NUTM1: variants seen among roughly 807,000 people sequenced by gnomAD.
The protein encoded by NUTM1 is NUT midline carcinoma family member 1, also known as NUT family member 1.
Under a neutral mutation model 88.7 loss-of-function variants are expected in NUTM1, and 39 were observed. The observed-to-expected ratio is 0.44, with a 90% CI of 0.34 to 0.57. NUTM1 has a LOEUF of 0.57. NUTM1 is among the 20% of genes least tolerant of loss of function. NUTM1 has a pLI of 0.01. For missense variants in NUTM1, 1,350 were observed against 1,414.5 expected (o/e 0.95, Z 0.73); for synonymous variants, 494 against 538.0 (o/e 0.92, Z 1.13).
intron 6 of NUTM1, 40 bp downstream of exon 6, chr15:34,354,772 G>T: frequency 1.2e-6 from 2 of 1,603,344 alleles, no homozygotes; most frequent in South Asian, 2.2e-5. Flanking sequence ...GCAGATCCTT[G>T]GGGTGGGTAC....
Position 34,348,566 on chromosome 15 carries a change from A to G in NUTM1, c.698A>G (p.Lys233Arg), listed in dbSNP as rs376388237. Residue 233 changes from lysine to arginine, a missense_variant, in exon 3 of 8, where the codon AAA becomes AGA. Physicochemically the swap from Lys to Arg is conservative, Grantham distance 26. Transcript: ENST00000537011. ...AAGCCTTCCCTAGGTGACCGCTCCA[A>G]AATTTCCAAGGACGTTTATGAGAAC... The part of the protein sequence containing the change: ...LSKPSLGDRS[K>R]ISKDVYENFR... 1.2e-6 allele frequency: 2 copies of G among 1,613,760 alleles called. No homozygotes were observed. The highest frequency in any genetic ancestry group is 1.7e-6 in the Non-Finnish European group (2 of 1,180,044).
Position 34,356,215 on chromosome 15 carries a change from G to C in NUTM1, c.2207G>C (p.Arg736Thr), listed in dbSNP as rs773543552. ...AGTTATGATCAGAATCCTTCCCCTA[G>C]AGCAGCTGGGGAGAGGGACGATGTC... ...AQSYDQNPSP[R>T]AAGERDDVCL... The change falls in exon 8 of 8, where the codon AGA becomes ACA. Residue 736 changes from arginine (R) to threonine (T), a missense_variant. Transcript: ENST00000537011. The C allele has an allele frequency of 2.9e-5, 46 of 1,607,202 alleles. No individual in the cohort carries two copies. Among genetic ancestry groups the C allele is most frequent in the Non-Finnish European group, 3.7e-5 (44 of 1,175,258 alleles).
intron 1 of NUTM1, among the ~76,000 whole-genome samples, chr15:34,344,502 CAAAAAAAAA>C (rs780145688): frequency 3.5e-5 from 3 of 85,748 alleles, no homozygotes; most frequent in South Asian, 3.7e-4. Flanking sequence ...GATCCTGTCT[CAAAAAAAAA>C]AAAAAAAAAA....
Position 34,356,301 on chromosome 15 carries a change from G to A in NUTM1, c.2293G>A (p.Val765Ile). The A allele has an allele frequency of 1.2e-6, 2 of 1,613,720 alleles. No individual in the cohort carries two copies. The highest frequency in any genetic ancestry group is 3.3e-4 in the Middle Eastern group (2 of 6,060). ...GGATGCTGTAGGCTTGGAGCTGCCT[G>A]TACAAATAGAGGAGGTCATAGAGAG... is the stretch of plus-strand genomic sequence containing the variant. Reference protein sequence around the residue: ...EMDAVGLELPVQIEEVIESFQ... With the variant: ...EMDAVGLELPIQIEEVIESFQ... The change falls in exon 8 of 8, where the codon GTA becomes ATA. Residue 765 changes from valine (V) to isoleucine (I), a missense_variant. Physicochemically the swap from Val to Ile is conservative, Grantham distance 29 (BLOSUM62 3). This residue lies in a region of NUTM1 where 730 missense variants were observed against 728.8 expected (regional missense o/e 1.00). Transcript: ENST00000537011.
At chr15:34,354,265 A>G (rs566657327) in intron 5 of NUTM1, among the ~76,000 whole-genome samples, 181 bp from the exon 6 acceptor site, 133 of 152,292 alleles carry the variant, frequency 8.7e-4, no homozygotes, top group African/African-American at 3.1e-3. Flanking sequence ...GGCCCAATCC[A>G]GCCTGGAACC....
chr15:34,347,262 C>CTT lies in NUTM1; in HGVS notation c.101-695_101-694dup, dbSNP rs55955824. Among the ~76,000 whole-genome samples, 135 of 144,892 alleles carry CTT rather than the reference C, an allele frequency of 9.3e-4. No homozygotes were observed. In the East Asian group the frequency reaches 0.01, roughly 11 times the overall value. ...GCGAGACGTCATCTCTACAATTTTT[C>CTT]TTTTTTTTTTTTTGAGACAGAGTTT... On this transcript the variant is annotated intron_variant, in intron 2 of 7. Coordinates refer to ENST00000537011, the MANE Select transcript of NUTM1 (RefSeq NM_001284292.2).
chr15:34,348,757 T>G (rs1566888543), intron 3 of NUTM1, 80 bp downstream of exon 3: 2 of 994,330 alleles, frequency 2.0e-6, no homozygotes, highest in African/African-American at 3.2e-5. Flanking sequence ...TAGTTTAGGC[T>G]GTTTAGGACT....
Position 34,357,259 on chromosome 15 carries a change from C to T in NUTM1, c.3251C>T (p.Pro1084Leu). ...QGSQRASHLL[P>L]AGAKGPSKLP... ...AGCCAGAGAGCATCCCACCTGCTCC[C>T]TGCTGGAGCAAAAGGCCCCAGCAAA... The change falls in exon 8 of 8, where the codon CCT (proline) becomes CTT (leucine). Residue 1084 changes from proline to leucine, a missense_variant. This residue lies in a region of NUTM1 where 730 missense variants were observed against 728.8 expected (regional missense o/e 1.00). Transcript: ENST00000537011. 1 of 1,614,132 alleles carries T rather than the reference C, an allele frequency of 6.2e-7. No individual in the cohort carries two copies. The highest frequency in any genetic ancestry group is 8.5e-7 in the Non-Finnish European group (1 of 1,180,022).
At chr15:34,346,719 C>T (rs1014743608) in intron 2 of NUTM1, among the ~76,000 whole-genome samples, 37 of 142,686 alleles carry the variant, frequency 2.6e-4, no homozygotes, top group Non-Finnish European at 4.6e-5. Flanking sequence ...CCCGTATGTC[C>T]TAAAAATACA....
Position 34,343,623 on chromosome 15 carries a change from C to T in NUTM1, c.-74C>T, listed in dbSNP as rs1300439689. 2.6e-6 allele frequency: 4 copies of T among 1,535,394 alleles called. No individual in the cohort carries two copies. The South Asian group carries it at 4.8e-5, about 18-fold the overall frequency. On this transcript the variant is annotated 5_prime_UTR_variant, in exon 1 of 8. Coordinates refer to ENST00000537011, the MANE Select transcript of NUTM1 (RefSeq NM_001284292.2). ...AAGAGCGTAAAGTTATTTTATGAAA[C>T]TGGTGAAGCATGTTTCAGCGGTCGA...
chr15:34,357,141 C>G lies in NUTM1; in HGVS notation c.3133C>G (p.Leu1045Val). 1.9e-6 allele frequency: 3 copies of G among 1,614,194 alleles called. No homozygotes were observed. The highest frequency in any genetic ancestry group is 2.5e-6 in the Non-Finnish European group (3 of 1,180,042). ...GGAAGCAGAGGAAGAGGATGAGGAACTCTCCAACTTTGCTTACCTCTTGGC... is the reference window on the plus strand; with the variant it reads ...GGAAGCAGAGGAAGAGGATGAGGAAGTCTCCAACTTTGCTTACCTCTTGGC... ...KKEAEEEDEE[L>V]SNFAYLLASK... Residue 1045 changes from leucine to valine, a missense_variant, in exon 8 of 8, where the codon CTC becomes GTC. Around this residue, in one of 5 missense-constraint regions of NUTM1, gnomAD observed 730 missense variants for 728.8 expected, o/e 1.00. Coordinates refer to ENST00000537011, the MANE Select transcript of NUTM1 (RefSeq NM_001284292.2).
chr15:34,351,381 C>CA (rs541718460), intron 4 of NUTM1, among the ~76,000 whole-genome samples: 7,831 of 80,896 alleles, frequency 0.097, 315 homozygotes, highest in East Asian at 0.29. Context: ...GACCTCATCA[C>CA]AAAAAAAAAA....
intron 4 of NUTM1, among the ~76,000 whole-genome samples, chr15:34,351,272 T>C (rs1890704249): frequency 8.1e-6 from 1 of 123,096 alleles, no homozygotes; most frequent in Non-Finnish European, 1.6e-5. Context: ...AAAGGGATGT[T>C]AGGCTGGGTG....
At chr15:34,352,108 T>A (rs1329499874) in intron 4 of NUTM1, among the ~76,000 whole-genome samples, 1 of 152,128 alleles carries the variant, frequency 6.6e-6, no homozygotes, top group Non-Finnish European at 1.5e-5. Context: ...AGGCAGAGGT[T>A]GCGGTGAGCC....
At position 34,346,030 on chromosome 15, in the gene NUTM1, A is replaced by T. The variant is rs1330951059; in HGVS notation, c.95A>T (p.Asp32Val). 6.2e-7 allele frequency: 1 copy of T among 1,613,976 alleles called. No individual in the cohort carries two copies. The highest frequency in any genetic ancestry group is 8.5e-7 in the Non-Finnish European group (1 of 1,180,006). ...LVPKPERMAS[D>V]GASALPGPDM... ...CCCAAACCTGAGAGGATGGCTTCAG[A>T]TGGAGGTAAGTCTGCAGGTGGTGAG... The change falls in exon 2 of 8, where the codon GAT (aspartate) becomes GTT (valine). Residue 32 changes from aspartate (D) to valine (V), a missense_variant. Physicochemically the swap from Asp to Val is radical, Grantham distance 152 (BLOSUM62 -3). This residue lies in a region of NUTM1 where 399 missense variants were observed against 397.9 expected (regional missense o/e 1.00). Coordinates refer to ENST00000537011, the MANE Select transcript of NUTM1 (RefSeq NM_001284292.2).
At chr15:34,349,497 G>A (rs148062682) in intron 3 of NUTM1, among the ~76,000 whole-genome samples, 3 of 152,164 alleles carry the variant, frequency 2.0e-5, no homozygotes, top group Admixed American at 6.5e-5. Flanking sequence ...GCTTAAGAGC[G>A]AGTGTGTGTT....
chr15:34,354,543 C>A lies in NUTM1; in HGVS notation c.1173C>A (p.Ile391=). Residue 391 remains isoleucine, a synonymous_variant, in exon 6 of 8, where the codon ATC becomes ATA. Transcript: ENST00000537011. ...CTGCTCCTGAGGCACCCAAGGAGATCCCACCAGAAGCTGTGAAGGAGTATG... is the reference window on the plus strand; with the variant it reads ...CTGCTCCTGAGGCACCCAAGGAGATACCACCAGAAGCTGTGAAGGAGTATG... ...RPPAPEAPKE[I]PPEAVKEYVD... is the part of the protein sequence containing the mutation. 6 of 1,614,146 alleles carry A rather than the reference C, an allele frequency of 3.7e-6. No homozygotes were observed. The highest frequency in any genetic ancestry group is 5.1e-6 in the Non-Finnish European group (6 of 1,180,008).
In NUTM1 at chr15:34,356,864, T is replaced by C. The variant is rs773530727; in HGVS notation, c.2856T>C (p.Asn952=). 2 of 1,612,622 alleles carry C rather than the reference T, an allele frequency of 1.2e-6. No homozygotes were observed. Among genetic ancestry groups the C allele is most frequent in the Non-Finnish European group, 1.7e-6 (2 of 1,179,784 alleles). ...TCAGCGAGGACACCTGCCCACTGAA[T>C]GTTCATTCTTATGACCCCCAAGGAG... ...LRVSEDTCPL[N]VHSYDPQGEG... The change falls in exon 8 of 8, where the codon AAT becomes AAC. Residue 952 remains asparagine, a synonymous_variant. Transcript: ENST00000537011.
chr15:34,349,459 A>C (rs1890667960), intron 3 of NUTM1, among the ~76,000 whole-genome samples: 1 of 152,230 alleles, frequency 6.6e-6, no homozygotes, highest in African/African-American at 2.4e-5. Context: ...GAAGAGGAAA[A>C]GAACTCGCAA....
Sources: gnomAD v4.1 joint callset for allele counts (sites outside exome capture counted in the v4.1 genomes callset) on GRCh38, gnomAD v4.1.1 for gene constraint, gnomAD v4.1.1 regional missense constraint, MANE v1.5 for transcripts, NCBI Gene and HGNC (gene_info 2026-07-23, HGNC 2026-07-21) for gene names.